ITK: variants seen among roughly 807,000 people sequenced by gnomAD.
ITK encodes the protein IL2 inducible T cell kinase, also known as tyrosine-protein kinase ITK/TSK.
Under a neutral mutation model 87.6 loss-of-function variants are expected in ITK, and 45 were observed. The observed-to-expected ratio is 0.51, with a 90% confidence interval of 0.40 to 0.66. The LOEUF (loss-of-function observed/expected upper bound fraction) is 0.66. Ranked by LOEUF, ITK falls within the 30% of genes least tolerant of loss-of-function variation. ITK has a pLI of 0.00. For missense variants in ITK, 605 were observed against 766.3 expected (o/e 0.79, Z 2.48); for synonymous variants, 303 against 273.6 (o/e 1.11, Z -1.06).
chr5:157,238,754 C>G (rs933390023), intron 9 of ITK, among the ~76,000 whole-genome samples: 1 of 152,216 alleles, frequency 6.6e-6, no homozygotes, highest in African/African-American at 2.4e-5. Flanking sequence ...CTCCAGCCAA[C>G]TGGACTGCAA....
At chr5:157,198,123 G>GAAA (rs71577320) in intron 1 of ITK, among the ~76,000 whole-genome samples, 1 of 128,818 alleles carries the variant, frequency 7.8e-6, no homozygotes, top group Non-Finnish European at 1.7e-5. Flanking sequence ...TATCTCTTAA[G>GAAA]AAAAAAAAAA....
intron 10 of ITK, chr5:157,240,735 A>T (rs1348036760): frequency 5.6e-6 from 1 of 177,520 alleles, no homozygotes; most frequent in African/African-American, 2.4e-5. Flanking sequence ...GAGGAGGGAG[A>T]AGATGCCACA....
intron 7 of ITK, 122 bp from the exon 8 acceptor site, chr5:157,232,218 A>C (rs889002820): frequency 1.4e-5 from 10 of 719,274 alleles, no homozygotes; most frequent in African/African-American, 5.4e-5. Flanking sequence ...ATACACTTAA[A>C]ATTTTTTTAA....
intron 9 of ITK, among the ~76,000 whole-genome samples, chr5:157,239,763 G>A (rs1468802157): frequency 6.6e-6 from 1 of 152,182 alleles, no homozygotes; most frequent in African/African-American, 2.4e-5. Flanking sequence ...TCATAGAATA[G>A]GCAAGGCAAA....
chr5:157,240,013 T>C, intron 9 of ITK, 49 bp from the exon 10 acceptor site: 1 of 1,587,106 alleles, frequency 6.3e-7, no homozygotes, highest in Non-Finnish European at 8.6e-7. Flanking sequence ...TTTTTGTGTC[T>C]CAACATTGCT....
intron 1 of ITK, among the ~76,000 whole-genome samples, chr5:157,184,356 T>C (rs1268446060): frequency 2.6e-5 from 4 of 152,180 alleles, no homozygotes; most frequent in African/African-American, 9.7e-5. Flanking sequence ...GGCTCACAGA[T>C]TCCTGAAAAC....
intron 1 of ITK, among the ~76,000 whole-genome samples, chr5:157,200,210 A>T (rs929637106): frequency 6.6e-6 from 1 of 152,216 alleles, no homozygotes; most frequent in African/African-American, 2.4e-5. Context: ...AGCATCTTGA[A>T]TTGTGTCTGA....
intron 1 of ITK, among the ~76,000 whole-genome samples, chr5:157,186,571 G>A (rs1753646988): frequency 6.6e-6 from 1 of 152,128 alleles, no homozygotes; most frequent in Non-Finnish European, 1.5e-5. Flanking sequence ...AGCTACTCGG[G>A]AGGCTGAAGC....
At chr5:157,249,131 C>A (rs2113777774) in intron 16 of ITK, 124 bp downstream of exon 16, 1 of 834,424 alleles carries the variant, frequency 1.2e-6, no homozygotes, top group Non-Finnish European at 2.0e-6. Flanking sequence ...AGATTAGCAA[C>A]AACATGACTT....
intron 8 of ITK, 77 bp downstream of exon 8, chr5:157,232,471 A>G: frequency 9.5e-7 from 1 of 1,051,768 alleles, no homozygotes. Context: ...AATCCCAGCG[A>G]TTTGGCAGGC....
At chr5:157,195,339 G>T (rs1449126591) in intron 1 of ITK, 1 of 152,280 alleles carries the variant, frequency 6.6e-6, no homozygotes, top group East Asian at 1.9e-4. Flanking sequence ...ACTGCTGTTG[G>T]AATGAATCTT....
chr5:157,230,619 A>G (rs781003975), intron 7 of ITK, among the ~76,000 whole-genome samples: 4 of 152,234 alleles, frequency 2.6e-5, no homozygotes, highest in Non-Finnish European at 5.9e-5. Context: ...TATAGGGTAT[A>G]TGCTTAAATA....
In ITK at chr5:157,235,715, C is replaced by T. The variant is rs1004465481; in HGVS notation, c.769-2394C>T. Among the ~76,000 whole-genome samples, 5 of 152,210 alleles carry T rather than the reference C, an allele frequency of 3.3e-5. No individual in the cohort carries two copies. In the East Asian group the frequency reaches 9.6e-4, roughly 29 times the overall value. ...GAAAGATGGCTGTATTTCAGAGACA[C>T]TCTTAAAGTATAATGCAGCATAACA... On this transcript the variant is annotated intron_variant, in intron 8 of 16. Coordinates refer to ENST00000422843, the MANE Select transcript of ITK (RefSeq NM_005546.4).
At chr5:157,199,058 A>T (rs2113745108) in intron 1 of ITK, among the ~76,000 whole-genome samples, 1 of 152,254 alleles carries the variant, frequency 6.6e-6, no homozygotes, top group South Asian at 2.1e-4. Context: ...AGCCATTGCT[A>T]CTAGCATTTG....
At chr5:157,208,469 G>T (rs1754123926) in intron 1 of ITK, among the ~76,000 whole-genome samples, 1 of 152,122 alleles carries the variant, frequency 6.6e-6, no homozygotes, top group Non-Finnish European at 1.5e-5. Flanking sequence ...GTGCCACTAA[G>T]GGTATGCACC....
intron 4 of ITK, among the ~76,000 whole-genome samples, chr5:157,215,346 A>G (rs1239768252): frequency 6.6e-6 from 1 of 152,202 alleles, no homozygotes; most frequent in Non-Finnish European, 1.5e-5. Flanking sequence ...GATGTAACAC[A>G]TGGCTAGGTT....
intron 6 of ITK, 79 bp from the exon 7 acceptor site, chr5:157,228,217 A>T (rs898832335): frequency 1.2e-5 from 11 of 886,024 alleles, no homozygotes; most frequent in Non-Finnish European, 1.5e-5. Flanking sequence ...TCTTTAAATG[A>T]CTTTTAATGG....
chr5:157,223,617 G>GT (rs1754472618), intron 6 of ITK, among the ~76,000 whole-genome samples: 1 of 117,650 alleles, frequency 8.5e-6, no homozygotes, highest in African/African-American at 3.2e-5. Context: ...TGCCTTTTAA[G>GT]GTTTTTTTTT....
In ITK at chr5:157,252,738, A is replaced by T; in HGVS notation, c.*60A>T. Reference sequence around the variant, plus strand: ...CTGAATGGAGGAAGGATATGTCCTCATTCCATAGAGCATTAGAAGCTGCCA... The same window carrying T: ...CTGAATGGAGGAAGGATATGTCCTCTTTCCATAGAGCATTAGAAGCTGCCA... On this transcript the variant is annotated 3_prime_UTR_variant, in exon 17 of 17. Transcript: ENST00000422843. 7.7e-7 allele frequency: 1 copy of T among 1,297,322 alleles called. No individual in the cohort carries two copies. The highest frequency in any genetic ancestry group is 2.3e-5 in the East Asian group (1 of 43,360). The allele number at this position is 1,297,322 out of a possible 1,614,324, so 80.4% of individuals were successfully genotyped here.
Sources: allele counts gnomAD v4.1 joint callset (sites outside exome capture counted in the v4.1 genomes callset), GRCh38; gene constraint gnomAD v4.1.1; transcripts MANE v1.5; gene names NCBI Gene and HGNC (gene_info 2026-07-23, HGNC 2026-07-21).